Variants in LRP1B observed in about 807,000 individuals in gnomAD.
LRP1B encodes LDL receptor related protein 1B.
A neutral mutation model predicts 556.6 loss-of-function variants in LRP1B; 217 were observed. The ratio of observed to expected loss-of-function variants is 0.39; its 90% CI spans 0.35 to 0.44. The LOEUF (loss-of-function observed/expected upper bound fraction) is 0.44. Ranked by LOEUF, LRP1B falls within the 20% of genes least tolerant of loss-of-function variation. The pLI, the probability that LRP1B is intolerant of heterozygous loss-of-function variation, is 1.00. For missense variants in LRP1B, 5,053 were observed against 5,620.8 expected (o/e 0.90, Z 3.23); for synonymous variants, 2,047 against 1,865.8 (o/e 1.10, Z -2.50).
intron 2 of LRP1B, among the ~76,000 whole-genome samples, chr2:141,523,370 A>C (rs1324423562): frequency 6.6e-6 from 1 of 152,066 alleles, no homozygotes; most frequent in Non-Finnish European, 1.5e-5. Flanking sequence ...TCAAATCCTT[A>C]CTTTCTAGTT....
intron 1 of LRP1B, among the ~76,000 whole-genome samples, chr2:142,108,422 G>C (rs1393484143): frequency 1.2e-5 from 1 of 82,118 alleles, no homozygotes; most frequent in African/African-American, 4.2e-5. Flanking sequence ...TTAATCAATA[G>C]ATGTTCAATA....
chr2:141,286,472 C>T (rs1685725536), intron 3 of LRP1B, among the ~76,000 whole-genome samples: 2 of 152,026 alleles, frequency 1.3e-5, no homozygotes, highest in South Asian at 4.1e-4. Flanking sequence ...TTATACTGGC[C>T]TCATAAAATG....
intron 3 of LRP1B, among the ~76,000 whole-genome samples, chr2:141,305,406 T>C (rs1294116232): frequency 6.6e-6 from 1 of 152,190 alleles, no homozygotes; most frequent in East Asian, 1.9e-4. Flanking sequence ...ATTATTGGAA[T>C]ACAGAATTGT....
At chr2:140,652,239 C>A (rs1325212386) in intron 41 of LRP1B, among the ~76,000 whole-genome samples, 2 of 151,482 alleles carry the variant, frequency 1.3e-5, no homozygotes, top group South Asian at 2.1e-4. Context: ...ATATTGAATT[C>A]TTGATGGGAA....
chr2:140,601,310 A>G (rs1266377504), intron 42 of LRP1B, 140 bp downstream of exon 42: 1 of 784,292 alleles, frequency 1.3e-6, no homozygotes, highest in Non-Finnish European at 1.8e-6. Context: ...TCTTACATAA[A>G]AAAAAAAGTT....
intron 3 of LRP1B, 121 bp from the exon 4 acceptor site, chr2:141,254,762 G>C: frequency 3.0e-6 from 2 of 667,372 alleles, no homozygotes; most frequent in Non-Finnish European, 4.6e-6. Context: ...TTATATGATT[G>C]GTCTAGAAAA....
intron 68 of LRP1B, among the ~76,000 whole-genome samples, chr2:140,375,586 T>G (rs1282732859): frequency 6.6e-6 from 1 of 152,154 alleles, no homozygotes; most frequent in Non-Finnish European, 1.5e-5. Context: ...CTTAACTTTT[T>G]GTTTCTACAT....
chr2:140,413,753 G>A (rs536149466), intron 66 of LRP1B, among the ~76,000 whole-genome samples: 1 of 152,252 alleles, frequency 6.6e-6, no homozygotes, highest in South Asian at 2.1e-4. Flanking sequence ...AGCAGGAGAT[G>A]TTGGCACATA....
intron 2 of LRP1B, among the ~76,000 whole-genome samples, chr2:141,565,908 T>A (rs1399515461): frequency 6.7e-6 from 1 of 150,256 alleles, no homozygotes; most frequent in Admixed American, 6.6e-5. Flanking sequence ...TTGAGCACCA[T>A]TTTTTTTTGC....
At chr2:141,639,222 G>A (rs1485783536) in intron 2 of LRP1B, among the ~76,000 whole-genome samples, 1 of 138,010 alleles carries the variant, frequency 7.2e-6, no homozygotes. Flanking sequence ...GTCTTTGCAT[G>A]GTCTCTTCAC....
At chr2:142,095,610 C>T (rs1314448321) in intron 1 of LRP1B, among the ~76,000 whole-genome samples, 1 of 151,634 alleles carries the variant, frequency 6.6e-6, no homozygotes, top group East Asian at 1.9e-4. Flanking sequence ...TAATTACTAC[C>T]TCTGGCCTTA....
intron 1 of LRP1B, among the ~76,000 whole-genome samples, chr2:142,016,903 CATATATGT>C (rs906568212): frequency 4.7e-5 from 7 of 149,234 alleles, no homozygotes; most frequent in Non-Finnish European, 1.5e-5. Context: ...TATACACACA[CATATATGT>C]ATATATGTAT....
At chr2:141,001,781 T>C (rs2105369356) in intron 15 of LRP1B, among the ~76,000 whole-genome samples, 1 of 152,298 alleles carries the variant, frequency 6.6e-6, no homozygotes, top group African/African-American at 2.4e-5. Context: ...TGTGTGTGCG[T>C]GTGCGTGCGC....
At chr2:140,649,629 T>C (rs2105317212) in intron 41 of LRP1B, among the ~76,000 whole-genome samples, 1 of 152,352 alleles carries the variant, frequency 6.6e-6, no homozygotes, top group Admixed American at 6.5e-5. Flanking sequence ...TTCCTCTTTG[T>C]TATATGATAA....
At chr2:141,874,177 A>G (rs1338195344) in intron 1 of LRP1B, among the ~76,000 whole-genome samples, 1 of 140,074 alleles carries the variant, frequency 7.1e-6, no homozygotes, top group African/African-American at 2.7e-5. Context: ...TTTCAGTTCT[A>G]ATGTTAATTG....
At position 141,607,669 on chromosome 2, in the gene LRP1B, A is replaced by T. The variant is rs549627389; in HGVS notation, c.206-127136T>A. ...CATGGTGGCTCACACCTGTAATTCC[A>T]GCACTTTGGGAGTCTGAGGCAGGAG... is the stretch of plus-strand genomic sequence containing the variant. On this transcript the variant is annotated intron_variant, in intron 2 of 90. Coordinates refer to ENST00000389484, the MANE Select transcript of LRP1B (RefSeq NM_018557.3). Among the ~76,000 whole-genome samples the T allele has an allele frequency of 3.9e-4, 59 of 152,278 alleles. 1 individual carries two copies. Among genetic ancestry groups the T allele is most frequent in the African/African-American group, 1.4e-3 (59 of 41,566 alleles).
At chr2:141,166,949 A>G (rs920840808) in intron 7 of LRP1B, among the ~76,000 whole-genome samples, 8 of 152,014 alleles carry the variant, frequency 5.3e-5, no homozygotes, top group Admixed American at 2.6e-4. Context: ...TTATAACATA[A>G]TATATTCATA....
At position 141,523,962 on chromosome 2, in the gene LRP1B, G is replaced by A. The variant is rs545013335; in HGVS notation, c.206-43429C>T. On this transcript the variant is annotated intron_variant, in intron 2 of 90. Transcript: ENST00000389484. ...CTTGTAATTGTCTTCAGCTAAAGTC[G>A]CAATAAGATCATTTGTCTGATAGAA... Among the ~76,000 whole-genome samples the A allele has an allele frequency of 9.5e-4, 144 of 152,144 alleles. 1 individual carries two copies. Among genetic ancestry groups the A allele is most frequent in the African/African-American group, 3.2e-3 (132 of 41,522 alleles).
At chr2:140,750,392 C>A (rs1278768145) in intron 35 of LRP1B, among the ~76,000 whole-genome samples, 1 of 151,968 alleles carries the variant, frequency 6.6e-6, no homozygotes, top group Non-Finnish European at 1.5e-5. Flanking sequence ...ATTCTTATTT[C>A]AAGTCTCATA....
Sources: allele counts gnomAD v4.1 joint callset (sites outside exome capture counted in the v4.1 genomes callset), GRCh38; gene constraint gnomAD v4.1.1; transcripts MANE v1.5; gene names NCBI Gene and HGNC (gene_info 2026-07-23, HGNC 2026-07-21).